CELF2: variants seen among roughly 807,000 people sequenced by gnomAD.
CELF2 encodes CUGBP Elav-like family member 2, also known as CUG triplet repeat RNA-binding protein 2.
Under a neutral mutation model 62.6 loss-of-function variants are expected in CELF2, and 8 were observed. The ratio of observed to expected loss-of-function variants is 0.13; its 90% CI spans 0.07 to 0.23. CELF2 has a LOEUF of 0.23. Ranked by LOEUF, CELF2 falls within the 10% of genes least tolerant of loss-of-function variation. The pLI, the probability that CELF2 is intolerant of heterozygous loss-of-function variation, is 1.00. For missense variants in CELF2, 333 were observed against 671.0 expected, an observed-to-expected ratio of 0.50 and a Z score of 5.56; for synonymous variants, 258 against 250.0, an observed-to-expected ratio of 1.03 and a Z score of -0.30.
chr10:10,993,029 G>C lies in CELF2; in HGVS notation c.89+73030G>C, dbSNP rs1173203958. Among the ~76,000 whole-genome samples the C allele has an allele frequency of 6.6e-6, 1 of 152,154 alleles. No homozygotes were observed. The highest frequency in any genetic ancestry group is 1.9e-4 in the East Asian group (1 of 5,190). Reference sequence around the variant, plus strand: ...CAGTAAGGTTCATTGACCTTGGTGAGACAGCTAAACACATGCCTGGCCCAG... The same window carrying C: ...CAGTAAGGTTCATTGACCTTGGTGACACAGCTAAACACATGCCTGGCCCAG... On this transcript the variant is annotated intron_variant, in intron 2 of 13. Coordinates refer to the CELF2 transcript ENST00000636488. The surrounding 1 kb of genome is among the most constrained non-coding windows in gnomAD (Gnocchi z 5.3).
chr10:10,552,891 G>A, the CELF2 span, among the ~76,000 whole-genome samples: 1 of 152,216 alleles, frequency 6.6e-6, no homozygotes, highest in African/African-American at 2.4e-5. Context: ...CGAGGGCAGG[G>A]TCCCAGCCAG....
Position 11,046,823 on chromosome 10 carries a change from A to G in CELF2, c.74+28660A>G, listed in dbSNP as rs1291876. Among the ~76,000 whole-genome samples the G allele has an allele frequency of 0.22, 33,460 of 152,216 alleles. 5,332 individuals carry two copies. Among genetic ancestry groups the G allele is most frequent in the African/African-American group, 0.45 (18,774 of 41,480 alleles). ...CCCTTGGCTTGTTGCTTTATTTTCT[A>G]AAATTTTAAATTTCATCGAAACTGC... On this transcript the variant is annotated intron_variant, in intron 1 of 12. Transcript: ENST00000633077. The surrounding 1 kb of genome is among the most constrained non-coding windows in gnomAD (Gnocchi z 4.6).
At chr10:10,868,670 A>G (rs1421184161) in intron 1 of CELF2, among the ~76,000 whole-genome samples, 2 of 152,236 alleles carry the variant, frequency 1.3e-5, no homozygotes, top group African/African-American at 2.4e-5. Context: ...CCTAGTTTTC[A>G]TCTCCTTCCT....
At position 11,297,837 on chromosome 10, in the gene CELF2, C is replaced by T. The variant is rs529285432; in HGVS notation, c.976+9285C>T. 1.9e-4 allele frequency among the ~76,000 whole-genome samples: 29 copies of T among 151,906 alleles called. No homozygotes were observed. The highest frequency in any genetic ancestry group is 3.4e-4 in the Non-Finnish European group (23 of 68,004). On this transcript the variant is annotated intron_variant, in intron 9 of 12. Transcript: ENST00000633077. This position sits in a 1 kb window ranked among gnomAD's most constrained non-coding sequence, Gnocchi z 4.4. ...CTATACTAAAAATACAAAAATTAGC[C>T]GGGTATGGTGGTGCACACCTGTGGT...
Position 11,268,613 on chromosome 10 carries a change from G to A in CELF2, c.618+1936G>A, listed in dbSNP as rs1190869942. Among the ~76,000 whole-genome samples the A allele has an allele frequency of 3.9e-5, 6 of 152,000 alleles. No individual in the cohort carries two copies. The highest frequency in any genetic ancestry group is 8.8e-5 in the Non-Finnish European group (6 of 68,002). ...TTGATCCTTTATTATTAATATCTCT[G>A]TTATTTGAAAACCAAATTTGGTGTT... On this transcript the variant is annotated intron_variant, in intron 6 of 12. Transcript: ENST00000633077. The surrounding 1 kb of genome is among the most constrained non-coding windows in gnomAD (Gnocchi z 4.7).
the CELF2 span, among the ~76,000 whole-genome samples, chr10:10,489,050 C>T: frequency 1.2e-4 from 19 of 152,004 alleles, no homozygotes; most frequent in African/African-American, 3.6e-4. Context: ...GTAATTTCAG[C>T]GAATGCGGTT....
At chr10:11,264,963 G>T (rs1298348186) in intron 5 of CELF2, among the ~76,000 whole-genome samples, 1 of 152,206 alleles carries the variant, frequency 6.6e-6, no homozygotes, top group Non-Finnish European at 1.5e-5. Flanking sequence ...GAGAGTTTTT[G>T]TGTGTTAAAA....
At chr10:10,981,405 G>A (rs374566850) in intron 2 of CELF2, among the ~76,000 whole-genome samples, 2 of 152,264 alleles carry the variant, frequency 1.3e-5, no homozygotes, top group South Asian at 2.1e-4. Flanking sequence ...AGAAGTGGCC[G>A]GCATATGTGG....
At chr10:11,044,623 T>G (rs192386851) in intron 1 of CELF2, among the ~76,000 whole-genome samples, 1 of 152,344 alleles carries the variant, frequency 6.6e-6, no homozygotes, top group East Asian at 1.9e-4. Context: ...GTCATTTTTA[T>G]TACTCAATCT....
upstream of CELF2, among the ~76,000 whole-genome samples, chr10:11,000,876 G>A (rs571046860): frequency 3.9e-5 from 6 of 152,234 alleles, no homozygotes; most frequent in South Asian, 4.1e-4. Context: ...ATTAGTCTTC[G>A]GCTTCTGTCC....
the CELF2 span, among the ~76,000 whole-genome samples, chr10:10,742,228 ATG>A: frequency 1.2e-5 from 1 of 84,996 alleles, no homozygotes; most frequent in Non-Finnish European, 2.5e-5. Context: ...TTTGTTAACC[ATG>A]TTTCACATAA....
At chr10:11,163,198 C>T (rs1055208544) in intron 1 of CELF2, among the ~76,000 whole-genome samples, 6 of 152,220 alleles carry the variant, frequency 3.9e-5, no homozygotes, top group African/African-American at 1.4e-4. Context: ...AGAACTAGTA[C>T]AATGCCACTC....
chr10:11,326,393 G>A (rs2095730774), intron 12 of CELF2, among the ~76,000 whole-genome samples: 1 of 152,240 alleles, frequency 6.6e-6, no homozygotes, highest in Non-Finnish European at 1.5e-5. Context: ...TGTTCAGGCT[G>A]CTTGCGTGAT....
intron 1 of CELF2, among the ~76,000 whole-genome samples, chr10:11,139,296 A>G (rs1366972769): frequency 6.6e-6 from 1 of 152,242 alleles, no homozygotes; most frequent in Non-Finnish European, 1.5e-5. Flanking sequence ...TGCATGAATC[A>G]TCATGCTTTC....
At chr10:10,465,445 G>A in the CELF2 span, among the ~76,000 whole-genome samples, 1 of 152,078 alleles carries the variant, frequency 6.6e-6, no homozygotes, top group Non-Finnish European at 1.5e-5. Context: ...CTGACATAAT[G>A]TTTGCTTCTC....
chr10:10,525,514 C>T, the CELF2 span, among the ~76,000 whole-genome samples: 1 of 152,148 alleles, frequency 6.6e-6, no homozygotes, highest in African/African-American at 2.4e-5. Context: ...TCCTTCTGAC[C>T]CCGTGTAACC....
the CELF2 span, among the ~76,000 whole-genome samples, chr10:10,554,318 C>T: frequency 6.6e-6 from 1 of 152,122 alleles, no homozygotes; most frequent in African/African-American, 2.4e-5. Context: ...AGGTATGCCT[C>T]CTGTATCAGC....
intron 1 of CELF2, among the ~76,000 whole-genome samples, chr10:11,020,795 G>A (rs1431519059): frequency 6.6e-6 from 1 of 152,208 alleles, no homozygotes; most frequent in African/African-American, 2.4e-5. Flanking sequence ...ATAGCCCCAC[G>A]AGCTATCCAG....
At position 11,242,282 on chromosome 10, in the gene CELF2, A is replaced by G. The variant is rs937102719; in HGVS notation, c.355-6871A>G. 2.6e-5 allele frequency among the ~76,000 whole-genome samples: 4 copies of G among 152,218 alleles called. No homozygotes were observed. Among genetic ancestry groups the G allele is most frequent in the African/African-American group, 9.7e-5 (4 of 41,450 alleles). On this transcript the variant is annotated intron_variant, in intron 3 of 12. Coordinates refer to ENST00000633077, the MANE Select transcript of CELF2 (RefSeq NM_001326342.2). This position sits in a 1 kb window ranked among gnomAD's most constrained non-coding sequence, Gnocchi z 4.8. ...CATGTTAAAGGTGGTTAACTCATCA[A>G]TTGGTGATGGCTGGGGTTCAACAAG... is the stretch of plus-strand genomic sequence containing the variant.
Sources: allele counts gnomAD v4.1 joint callset (sites outside exome capture counted in the v4.1 genomes callset), GRCh38; gene constraint gnomAD v4.1.1; non-coding constraint Gnocchi (gnomAD v3.1); transcripts MANE v1.5; gene names NCBI Gene and HGNC (gene_info 2026-07-23, HGNC 2026-07-21).